The following ALDH1A2 variants were observed in gnomAD, a reference collection of about 807,000 sequenced individuals.
ALDH1A2 encodes the protein retinal dehydrogenase 2.
Under a neutral mutation model 60.3 loss-of-function variants are expected in ALDH1A2, and 27 were observed. The observed-to-expected ratio is 0.45, with a 90% CI of 0.33 to 0.62. The LOEUF (loss-of-function observed/expected upper bound fraction) is 0.62. Among genes scored for constraint, ALDH1A2 ranks in the 20% least tolerant of loss-of-function variants. ALDH1A2 has a pLI of 0.02. For missense variants in ALDH1A2, 581 were observed against 643.8 expected (o/e 0.90, Z 1.06); for synonymous variants, 289 against 232.4 (o/e 1.24, Z -2.21).
chr15:58,053,377 T>C (rs1190892277), intron 1 of ALDH1A2, among the ~76,000 whole-genome samples: 2 of 152,132 alleles, frequency 1.3e-5, no homozygotes, highest in African/African-American at 4.8e-5. Context: ...GCAAAAAGCA[T>C]GCTATCATTT....
At chr15:58,039,998 G>A (rs1229266516) in intron 1 of ALDH1A2, among the ~76,000 whole-genome samples, 1 of 151,784 alleles carries the variant, frequency 6.6e-6, no homozygotes, top group Non-Finnish European at 1.5e-5. Flanking sequence ...CTGTGGTGGG[G>A]GAAATCAACA....
rs1205087786 is a variant in ALDH1A2 at position 57,965,825 on chromosome 15, A to G, written c.801T>C (p.Val267=). The G allele has an allele frequency of 1.2e-6, 2 of 1,613,558 alleles. No homozygotes were observed. The highest frequency in any genetic ancestry group is 1.7e-6 in the Non-Finnish European group (2 of 1,179,584). ...DKIAFTGSTE[V]GKLIQEAAGR... ...CAGCTGCTTCTTGGATAAGCTTTCC[A>G]ACCTGAAAGAAGGGAAATGGAGACA... The change falls in exon 8 of 13, where the codon GTT becomes GTC. Residue 267 remains valine (V), a splice_region_variant and synonymous_variant. Coordinates refer to ENST00000249750, the MANE Select transcript of ALDH1A2 (RefSeq NM_003888.4).
intron 7 of ALDH1A2, among the ~76,000 whole-genome samples, chr15:57,974,820 T>C (rs1004275700): frequency 3.3e-5 from 5 of 152,226 alleles, no homozygotes; most frequent in Non-Finnish European, 7.3e-5. Context: ...AGAAATTATT[T>C]GCAAAGCACA....
chr15:58,032,189 G>A (rs1896257735), intron 1 of ALDH1A2, among the ~76,000 whole-genome samples: 1 of 152,054 alleles, frequency 6.6e-6, no homozygotes, highest in African/African-American at 2.4e-5. Context: ...AAAATGATGA[G>A]TTCATGTCCT....
At position 57,988,390 on chromosome 15, in the gene ALDH1A2, G is replaced by C. The variant is rs778826564; in HGVS notation, c.798+4315C>G. The stretch of plus-strand genomic sequence containing the variant: ...TATCTAACTCAACCAAAAGAAGGCA[G>C]ACAAAGAGGGAAAATATGGACAAAG... On this transcript the variant is annotated intron_variant, in intron 7 of 12. Coordinates refer to ENST00000249750, the MANE Select transcript of ALDH1A2 (RefSeq NM_003888.4). Among the ~76,000 whole-genome samples, 83 of 152,174 alleles carry C rather than the reference G, an allele frequency of 5.5e-4. 1 individual carries two copies. Among genetic ancestry groups the C allele is most frequent in the African/African-American group, 1.9e-3 (77 of 41,440 alleles).
At chr15:57,981,438 AT>A (rs1894507332) in intron 7 of ALDH1A2, among the ~76,000 whole-genome samples, 1 of 152,170 alleles carries the variant, frequency 6.6e-6, no homozygotes, top group South Asian at 2.1e-4. Flanking sequence ...GAATGTAGTT[AT>A]TGACAAATAT....
intron 1 of ALDH1A2, among the ~76,000 whole-genome samples, chr15:58,025,648 G>A (rs551955866): frequency 6.6e-6 from 1 of 152,198 alleles, no homozygotes; most frequent in Non-Finnish European, 1.5e-5. Flanking sequence ...GTGTTAGTCT[G>A]TTTTGTATTG....
chr15:57,970,649 TATTA>T (rs1249087791), intron 7 of ALDH1A2, among the ~76,000 whole-genome samples: 1 of 152,200 alleles, frequency 6.6e-6, no homozygotes, highest in Non-Finnish European at 1.5e-5. Flanking sequence ...AATTTTTTTT[TATTA>T]ATTACTCAGG....
chr15:58,064,664 A>ATC (rs1283049970), intron 1 of ALDH1A2, among the ~76,000 whole-genome samples: 71 of 152,124 alleles, frequency 4.7e-4, no homozygotes, highest in African/African-American at 1.7e-3. Flanking sequence ...TTTCAATCCC[A>ATC]TCTCTCTCTC....
chr15:58,036,861 T>A (rs189705859), intron 1 of ALDH1A2: 3 of 151,742 alleles, frequency 2.0e-5, no homozygotes, highest in South Asian at 4.1e-4. Flanking sequence ...AGAATAACAC[T>A]TTGGGGAAAT....
chr15:57,957,861 TA>T (rs1422180926), intron 12 of ALDH1A2, among the ~76,000 whole-genome samples: 2 of 149,038 alleles, frequency 1.3e-5, no homozygotes, highest in Non-Finnish European at 3.0e-5. Context: ...CAGAGCGGAG[TA>T]AAGTCTCCAG....
chr15:57,980,976 G>A (rs1484701677), intron 7 of ALDH1A2, among the ~76,000 whole-genome samples: 1 of 152,098 alleles, frequency 6.6e-6, no homozygotes, highest in African/African-American at 2.4e-5. Flanking sequence ...CCTATTGTTG[G>A]TCTGTTCAGG....
intron 8 of ALDH1A2, chr15:57,964,939 C>T (rs572083027): frequency 1.3e-5 from 2 of 152,038 alleles, no homozygotes; most frequent in South Asian, 2.1e-4. Flanking sequence ...GAAATTCAAG[C>T]AATCTGCTTT....
chr15:57,957,973 C>T (rs1893587570), intron 12 of ALDH1A2, among the ~76,000 whole-genome samples: 1 of 151,896 alleles, frequency 6.6e-6, no homozygotes, highest in Non-Finnish European at 1.5e-5. Context: ...CTGGTGGATC[C>T]CAGTGTTTGG....
At chr15:57,973,868 T>G (rs114156605) in intron 7 of ALDH1A2, among the ~76,000 whole-genome samples, 2,073 of 152,304 alleles carry the variant, frequency 0.014, 56 homozygotes, top group African/African-American at 0.047. Context: ...CTATTCACAC[T>G]GTAATAGGCT....
rs749163730 is a variant in ALDH1A2, at chr15:57,995,096, C to A, written c.537G>T (p.Val179=). The A allele has an allele frequency of 8.7e-6, 14 of 1,612,590 alleles. No individual in the cohort carries two copies. The highest frequency in any genetic ancestry group is 1.2e-5 in the Non-Finnish European group (14 of 1,179,186). ...FTFTRHEPIG[V]CGQIIPWNFP... is the part of the protein sequence containing the mutation. The stretch of plus-strand genomic sequence containing the variant: ...CACTCACTGGGATGATCTGTCCACA[C>A]ACTCCAATGGGTTCATGTCTTGTAA... The change falls in exon 5 of 13, where the codon GTG becomes GTT. Residue 179 remains valine, a synonymous_variant. Transcript: ENST00000249750.
intron 7 of ALDH1A2, among the ~76,000 whole-genome samples, chr15:57,972,532 G>C (rs1268872868): frequency 6.6e-6 from 1 of 152,136 alleles, no homozygotes; most frequent in Admixed American, 6.5e-5. Flanking sequence ...AACACCTTAG[G>C]ACCTGCTCAA....
chr15:58,035,572 A>G (rs1896358677), intron 1 of ALDH1A2, among the ~76,000 whole-genome samples: 1 of 151,682 alleles, frequency 6.6e-6, no homozygotes, highest in Non-Finnish European at 1.5e-5. Context: ...ATTTCTATCT[A>G]AATACTGCTT....
intron 1 of ALDH1A2, among the ~76,000 whole-genome samples, chr15:58,063,713 T>C (rs1897099850): frequency 6.6e-6 from 1 of 152,194 alleles, no homozygotes; most frequent in South Asian, 2.1e-4. Context: ...TCAGTGTTTA[T>C]GAGGGTTGTT....
Sources: gnomAD v4.1 joint callset for allele counts (sites outside exome capture counted in the v4.1 genomes callset) on GRCh38, gnomAD v4.1.1 for gene constraint, MANE v1.5 for transcripts, NCBI Gene and HGNC (gene_info 2026-07-23, HGNC 2026-07-21) for gene names.